ORC5: variants seen among roughly 807,000 people sequenced by gnomAD.
ORC5 encodes the protein protein phosphatase 1, regulatory subunit 117.
In ORC5, 39 loss-of-function variants were observed where a neutral mutation model predicts 58.8. The observed-to-expected ratio is 0.66, with a 90% CI of 0.51 to 0.87. The LOEUF (loss-of-function observed/expected upper bound fraction) is 0.87. Among genes scored for constraint, ORC5 ranks in the 40% least tolerant of loss-of-function variants. ORC5 has a pLI of 0.00. For missense variants in ORC5, 493 were observed against 506.3 expected, an observed-to-expected ratio of 0.97 and a Z score of 0.25; for synonymous variants, 218 against 177.6, an observed-to-expected ratio of 1.23 and a Z score of -1.81.
chr7:104,171,111 T>A (rs1799203640), intron 8 of ORC5, among the ~76,000 whole-genome samples: 1 of 152,206 alleles, frequency 6.6e-6, no homozygotes, highest in Non-Finnish European at 1.5e-5. Flanking sequence ...TTATTCTAAG[T>A]TATTGAATTT....
chr7:104,181,982 T>C (rs534674488), intron 8 of ORC5, among the ~76,000 whole-genome samples: 4 of 152,262 alleles, frequency 2.6e-5, no homozygotes, highest in South Asian at 2.1e-4. Flanking sequence ...GAAAAGGTTA[T>C]GTTTCTTTAA....
intron 12 of ORC5, among the ~76,000 whole-genome samples, chr7:104,147,431 T>G (rs1798774549): frequency 6.6e-6 from 1 of 152,248 alleles, no homozygotes; most frequent in South Asian, 2.1e-4. Context: ...TGTTTTTATT[T>G]GTTTGTTTTG....
chr7:104,157,666 T>C (rs1185491341), intron 12 of ORC5, among the ~76,000 whole-genome samples: 5 of 152,102 alleles, frequency 3.3e-5, no homozygotes, highest in East Asian at 1.9e-4. Flanking sequence ...AAGCCTCCCA[T>C]TGTTTTTAAT....
At chr7:104,206,565 GA>G (rs1800089841) in intron 1 of ORC5, among the ~76,000 whole-genome samples, 1 of 152,142 alleles carries the variant, frequency 6.6e-6, no homozygotes, top group South Asian at 2.1e-4. Context: ...AGTATAAATA[GA>G]AAATTAATTG....
At chr7:104,157,744 C>T (rs1261853293) in intron 12 of ORC5, among the ~76,000 whole-genome samples, 3 of 151,984 alleles carry the variant, frequency 2.0e-5, no homozygotes, top group South Asian at 2.1e-4. Flanking sequence ...AAATGCTCTA[C>T]GAATGTAAAG....
At chr7:104,205,844 T>G (rs562508926) in intron 1 of ORC5, among the ~76,000 whole-genome samples, 1 of 152,038 alleles carries the variant, frequency 6.6e-6, no homozygotes, top group African/African-American at 2.4e-5. Context: ...ACCCCATCTC[T>G]ACAAAAAACA....
intron 5 of ORC5, among the ~76,000 whole-genome samples, chr7:104,191,272 A>G (rs17133246): frequency 0.1 from 15,563 of 152,066 alleles, 2,635 homozygotes; most frequent in African/African-American, 0.36. Flanking sequence ...CATAAAACTT[A>G]GAAACAAAGA....
intron 11 of ORC5, among the ~76,000 whole-genome samples, 184 bp from the exon 12 acceptor site, chr7:104,161,366 T>G (rs2115851624): frequency 6.6e-6 from 1 of 152,236 alleles, no homozygotes; most frequent in South Asian, 2.1e-4. Flanking sequence ...TATCCTTTTT[T>G]TAAGTTTGTT....
At chr7:104,182,950 C>T (rs1799465998) in intron 8 of ORC5, among the ~76,000 whole-genome samples, 1 of 152,030 alleles carries the variant, frequency 6.6e-6, no homozygotes, top group Non-Finnish European at 1.5e-5. Context: ...GCCTGGCCAA[C>T]ATGTTGAAAC....
intron 8 of ORC5, among the ~76,000 whole-genome samples, chr7:104,181,780 A>G (rs966674506): frequency 2.8e-5 from 4 of 140,696 alleles, no homozygotes; most frequent in African/African-American, 1.0e-4. Context: ...CGACAGAGCG[A>G]GACTCCGTCT....
At chr7:104,167,628 T>C (rs941455286) in intron 9 of ORC5, among the ~76,000 whole-genome samples, 6 of 152,210 alleles carry the variant, frequency 3.9e-5, no homozygotes, top group African/African-American at 1.2e-4. Flanking sequence ...CACTGATTCT[T>C]AAGGGAAGGG....
chr7:104,168,289 C>T, intron 9 of ORC5, 184 bp downstream of exon 9: 3 of 1,166,956 alleles, frequency 2.6e-6, no homozygotes, highest in East Asian at 6.1e-5. Context: ...CTTTTATTTC[C>T]TCCCATTAAA....
intron 5 of ORC5, 46 bp downstream of exon 5, chr7:104,195,097 C>G (rs780100211): frequency 3.1e-6 from 3 of 960,200 alleles, no homozygotes; most frequent in African/African-American, 1.7e-5. Context: ...ACAACAAAAA[C>G]TATTCTCCTG....
intron 8 of ORC5, 138 bp from the exon 9 acceptor site, chr7:104,168,663 C>T (rs1227216803): frequency 8.2e-6 from 4 of 488,760 alleles, no homozygotes; most frequent in African/African-American, 3.9e-5. Flanking sequence ...ATGCAATAAA[C>T]ATGTTTGTAC....
Position 104,166,792 on chromosome 7 carries a change from C to A in ORC5, c.970G>T (p.Asp324Tyr). 1 of 1,595,200 alleles carries A rather than the reference C, an allele frequency of 6.3e-7. No homozygotes were observed. The highest frequency in any genetic ancestry group is 1.1e-5 in the South Asian group (1 of 89,244). The change falls in exon 10 of 14, where the codon GAC becomes TAC. Residue 324 changes from aspartate to tyrosine, a missense_variant. Asp to Tyr is a radical substitution (Grantham distance 160). This residue lies in a region of ORC5 where 412 missense variants were observed against 403.7 expected (regional missense o/e 1.02). Coordinates refer to ENST00000297431, the MANE Select transcript of ORC5 (RefSeq NM_002553.4). Reference sequence around the variant, plus strand: ...ATTACCTTAAGAAAAAACCTCTTGTCAGTTCTTGCTGGATTGTATGAAGCA... The same window carrying A: ...ATTACCTTAAGAAAAAACCTCTTGTAAGTTCTTGCTGGATTGTATGAAGCA... ...YLASYNPART[D>Y]KRFFLKHHGK...
chr7:104,168,293 CATTAA>C, intron 9 of ORC5, 175 bp downstream of exon 9: 1 of 1,172,128 alleles, frequency 8.5e-7, no homozygotes, highest in Non-Finnish European at 1.1e-6. Flanking sequence ...TATTTCCTCC[CATTAA>C]ATTAGAGCTT....
intron 5 of ORC5, among the ~76,000 whole-genome samples, chr7:104,192,255 A>G (rs769914497): frequency 5.3e-5 from 8 of 152,304 alleles, no homozygotes; most frequent in Non-Finnish European, 1.2e-4. Flanking sequence ...GTTCCCCTCA[A>G]GTCTTAGCTT....
intron 12 of ORC5, among the ~76,000 whole-genome samples, chr7:104,146,259 C>T (rs569031295): frequency 6.6e-6 from 1 of 152,280 alleles, no homozygotes; most frequent in Non-Finnish European, 1.5e-5. Flanking sequence ...AAAACATATA[C>T]GCCTTATAAA....
chr7:104,134,655 CCT>C (rs1233125350), intron 13 of ORC5, among the ~76,000 whole-genome samples: 1 of 151,906 alleles, frequency 6.6e-6, no homozygotes, highest in Admixed American at 6.6e-5. Flanking sequence ...GACCTCCAAC[CCT>C]GAGGGATTAG....
Sources: gnomAD v4.1 joint callset for allele counts (sites outside exome capture counted in the v4.1 genomes callset) on GRCh38, gnomAD v4.1.1 for gene constraint, gnomAD v4.1.1 regional missense constraint, MANE v1.5 for transcripts, NCBI Gene and HGNC (gene_info 2026-07-23, HGNC 2026-07-21) for gene names.